LPP: variants seen among roughly 807,000 people sequenced by gnomAD.
LPP encodes the protein LIM domain containing preferred translocation partner in lipoma.
Under a neutral mutation model 60.4 loss-of-function variants are expected in LPP, and 38 were observed. The observed-to-expected ratio is 0.63, with a 90% CI of 0.49 to 0.83. The LOEUF (loss-of-function observed/expected upper bound fraction) is 0.83. Among genes scored for constraint, LPP ranks in the 40% least tolerant of loss-of-function variants. The pLI is 0.00. For synonymous variants in LPP, 328 were observed against 290.8 expected, an observed-to-expected ratio of 1.13 and a Z score of -1.30; for missense variants, 902 against 783.6, an observed-to-expected ratio of 1.15 and a Z score of -1.80.
chr3:188,877,443 T>C lies in LPP; in HGVS notation c.*2964T>C. On this transcript the variant is annotated 3_prime_UTR_variant, in exon 12 of 12. Coordinates refer to ENST00000617246, the MANE Select transcript of LPP (RefSeq NM_001375462.1). ...CATGGAAAAGGAAAAAAATCCACTA[T>C]ATCATGGGCTCTGCAGAACATATCA... is the stretch of plus-strand genomic sequence containing the variant. 1.1e-5 allele frequency: 2 copies of C among 186,522 alleles called. No individual in the cohort carries two copies. The highest frequency in any genetic ancestry group is 1.7e-4 in the East Asian group (2 of 11,592). The allele number at this position is 186,522 out of a possible 1,614,324, so 11.6% of individuals were successfully genotyped here. A position where few individuals can be genotyped will look rare whatever the true frequency, so the allele number is the denominator to read the frequency against.
At chr3:188,602,076 A>G (rs1841315260) in intron 6 of LPP, among the ~76,000 whole-genome samples, 1 of 141,224 alleles carries the variant, frequency 7.1e-6, no homozygotes, top group Non-Finnish European at 1.5e-5. Flanking sequence ...TCAAATATAT[A>G]TATATATATA....
chr3:188,688,089 T>G (rs919340095), intron 7 of LPP, among the ~76,000 whole-genome samples: 2 of 152,194 alleles, frequency 1.3e-5, no homozygotes, highest in Non-Finnish European at 2.9e-5. Flanking sequence ...AGGCACTGCA[T>G]GCCAAATGAG....
chr3:188,561,603 G>A (rs1456955232), intron 6 of LPP, among the ~76,000 whole-genome samples: 1 of 152,020 alleles, frequency 6.6e-6, no homozygotes, highest in Non-Finnish European at 1.5e-5. Context: ...CTTTACTTCT[G>A]TGAACATCTA....
chr3:188,576,831 T>C (rs993952763), intron 6 of LPP, among the ~76,000 whole-genome samples: 4 of 152,216 alleles, frequency 2.6e-5, no homozygotes, highest in Non-Finnish European at 5.9e-5. Context: ...GAAGTCACAG[T>C]TCAAAACGAT....
At chr3:188,651,021 A>T (rs1560705585) in intron 7 of LPP, among the ~76,000 whole-genome samples, 1 of 152,236 alleles carries the variant, frequency 6.6e-6, no homozygotes, top group African/African-American at 2.4e-5. Flanking sequence ...AAAAATAAAT[A>T]GGGACCCTAA....
intron 7 of LPP, among the ~76,000 whole-genome samples, chr3:188,629,839 A>G (rs1191870802): frequency 6.6e-6 from 1 of 152,164 alleles, no homozygotes; most frequent in Non-Finnish European, 1.5e-5. Flanking sequence ...TTAAACTGCA[A>G]GACTGCAGTA....
chr3:188,196,733 T>C (rs1729645806), intron 1 of LPP, among the ~76,000 whole-genome samples: 1 of 152,222 alleles, frequency 6.6e-6, no homozygotes, highest in African/African-American at 2.4e-5. Context: ...GGGACAGGAA[T>C]GGAAAGAGGC....
At chr3:188,275,328 T>C (rs1157538430) in intron 2 of LPP, among the ~76,000 whole-genome samples, 2 of 152,218 alleles carry the variant, frequency 1.3e-5, no homozygotes, top group East Asian at 3.9e-4. Flanking sequence ...GGTGAATAAA[T>C]GGAGCCATAA....
intron 8 of LPP, among the ~76,000 whole-genome samples, chr3:188,713,004 T>C (rs1478335537): frequency 1.3e-5 from 2 of 152,196 alleles, no homozygotes; most frequent in African/African-American, 4.8e-5. Flanking sequence ...ATCGTATGCT[T>C]AAAAGTACTG....
intron 8 of LPP, chr3:188,759,533 C>T (rs759077327): frequency 5.2e-5 from 8 of 153,554 alleles, no homozygotes; most frequent in Non-Finnish European, 8.7e-5. Flanking sequence ...CACTATGGCT[C>T]AGTAGGAGAA....
chr3:188,459,232 A>T (rs920602828), intron 4 of LPP, among the ~76,000 whole-genome samples: 2 of 152,188 alleles, frequency 1.3e-5, no homozygotes, highest in African/African-American at 4.8e-5. Flanking sequence ...GGTTGTTTGT[A>T]TACCAAACAT....
At chr3:188,682,482 C>T (rs934806583) in intron 7 of LPP, among the ~76,000 whole-genome samples, 1 of 152,208 alleles carries the variant, frequency 6.6e-6, no homozygotes, top group Non-Finnish European at 1.5e-5. Flanking sequence ...CTGACTATCC[C>T]AGGTGCCTAT....
chr3:188,350,846 T>C (rs1172065474), intron 3 of LPP, among the ~76,000 whole-genome samples: 2 of 152,174 alleles, frequency 1.3e-5, no homozygotes, highest in Non-Finnish European at 2.9e-5. Context: ...GAGATTTAAC[T>C]ATCCCAGATA....
intron 7 of LPP, among the ~76,000 whole-genome samples, chr3:188,651,486 T>C (rs538738388): frequency 6.6e-6 from 1 of 152,344 alleles, no homozygotes; most frequent in Non-Finnish European, 1.5e-5. Context: ...TTCAACTCTA[T>C]CTTGAAATAG....
intron 6 of LPP, among the ~76,000 whole-genome samples, chr3:188,542,295 C>G (rs577077954): frequency 6.6e-6 from 1 of 152,232 alleles, no homozygotes; most frequent in African/African-American, 2.4e-5. Flanking sequence ...AACTATAAAG[C>G]GCTATACAAA....
intron 1 of LPP, among the ~76,000 whole-genome samples, chr3:188,163,530 A>G (rs1012180649): frequency 6.6e-6 from 1 of 152,122 alleles, no homozygotes. Flanking sequence ...TGGTCACCCT[A>G]CTTATAGGTG....
rs550825629 is a variant in LPP at position 188,813,268 on chromosome 3, A to G, written c.1411-52932A>G. Among the ~76,000 whole-genome samples the G allele has an allele frequency of 8.1e-4, 123 of 152,310 alleles. 1 individual carries two copies. Among genetic ancestry groups the G allele is most frequent in the African/African-American group, 2.9e-3 (120 of 41,566 alleles). The stretch of plus-strand genomic sequence containing the variant: ...TACCTTAGCTATTTCATTGCAATAA[A>G]AACCATTTTTCAGTCACTCATGTCC... On this transcript the variant is annotated intron_variant, in intron 9 of 11. Coordinates refer to ENST00000617246, the MANE Select transcript of LPP (RefSeq NM_001375462.1).
intron 6 of LPP, among the ~76,000 whole-genome samples, chr3:188,564,259 T>C (rs1302010308): frequency 1.3e-5 from 2 of 151,984 alleles, no homozygotes; most frequent in African/African-American, 4.8e-5. Flanking sequence ...CAGCTGGTCC[T>C]ACTGAGGGTA....
intron 5 of LPP, among the ~76,000 whole-genome samples, chr3:188,490,049 AAACATTTCTCTTTGTTATTGAGTAG>A (rs1807853523): frequency 6.6e-6 from 1 of 152,188 alleles, no homozygotes; most frequent in Non-Finnish European, 1.5e-5. Flanking sequence ...TTCAAATGTT[AAACATTTCTCTTTGTTATTGAGTAG>A]AAATGTGTCC....
Sources: allele counts gnomAD v4.1 joint callset (sites outside exome capture counted in the v4.1 genomes callset), GRCh38; gene constraint gnomAD v4.1.1; transcripts MANE v1.5; gene names NCBI Gene and HGNC (gene_info 2026-07-23, HGNC 2026-07-21).